BRINP3: variants seen among roughly 807,000 people sequenced by gnomAD.
BRINP3 encodes the protein BMP/retinoic acid-inducible neural-specific protein 3.
Under a neutral mutation model 71.0 loss-of-function variants are expected in BRINP3, and 19 were observed. The observed-to-expected ratio is 0.27, with a 90% confidence interval of 0.19 to 0.39. The LOEUF (loss-of-function observed/expected upper bound fraction) is 0.39, where lower values mean the gene tolerates loss of function less well. Among genes scored for constraint, BRINP3 ranks in the 10% least tolerant of loss-of-function variants. The probability of loss-of-function intolerance (pLI) is 1.00; values close to 1 mark genes in which losing one functional copy is unlikely to be tolerated. For missense variants in BRINP3, 959 were observed against 940.8 expected (o/e 1.02, Z -0.25); for synonymous variants, 380 against 337.7 (o/e 1.13, Z -1.37).
At chr1:190,455,694 G>T (rs1008322613) in intron 1 of BRINP3, among the ~76,000 whole-genome samples, 2 of 152,002 alleles carry the variant, frequency 1.3e-5, no homozygotes, top group African/African-American at 4.8e-5. Flanking sequence ...GGTCTTTAAA[G>T]ATTTAAATGT....
At chr1:190,192,937 T>C (rs561413886) in intron 6 of BRINP3, among the ~76,000 whole-genome samples, 31 of 152,222 alleles carry the variant, frequency 2.0e-4, no homozygotes, top group East Asian at 3.9e-4. Flanking sequence ...AACTTTTATA[T>C]TTTTATTTTC....
chr1:190,224,071 C>G (rs1035435989), intron 6 of BRINP3, among the ~76,000 whole-genome samples: 2 of 151,466 alleles, frequency 1.3e-5, no homozygotes, highest in African/African-American at 4.8e-5. Context: ...ACTACTAAAG[C>G]AATTTACGGA....
intron 4 of BRINP3, among the ~76,000 whole-genome samples, chr1:190,258,316 T>C (rs1347636505): frequency 2.6e-5 from 4 of 152,192 alleles, no homozygotes; most frequent in African/African-American, 7.2e-5. Context: ...TAATCTGGTG[T>C]GTCATTTGCT....
At chr1:190,365,657 A>G (rs1182577666) in intron 2 of BRINP3, among the ~76,000 whole-genome samples, 1 of 127,986 alleles carries the variant, frequency 7.8e-6, no homozygotes. Context: ...TATAGTAAAA[A>G]TATATTATAA....
At chr1:190,371,803 CA>C (rs1424356279) in intron 2 of BRINP3, among the ~76,000 whole-genome samples, 4 of 152,050 alleles carry the variant, frequency 2.6e-5, no homozygotes, top group Non-Finnish European at 5.9e-5. Flanking sequence ...TATTTTAATC[CA>C]GGGGCATCTG....
chr1:190,339,053 A>AAAT (rs1210882250), intron 2 of BRINP3, among the ~76,000 whole-genome samples: 8 of 144,666 alleles, frequency 5.5e-5, no homozygotes, highest in African/African-American at 2.1e-4. Flanking sequence ...AATAAATAAA[A>AAAT]CAATCTTTTT....
chr1:190,364,112 A>T (rs1197259951), intron 2 of BRINP3, among the ~76,000 whole-genome samples: 1 of 152,132 alleles, frequency 6.6e-6, no homozygotes, highest in Admixed American at 6.6e-5. Context: ...TTTCAAAAGA[A>T]ATTTTTAAAC....
At chr1:190,219,200 T>G (rs34632967) in intron 6 of BRINP3, among the ~76,000 whole-genome samples, 31,748 of 151,810 alleles carry the variant, frequency 0.21, 3,689 homozygotes, top group Middle Eastern at 0.31. Flanking sequence ...TTCACAGACA[T>G]TTACCCATAA....
chr1:190,141,555 C>CTTTTTTTTTTTTTTTTT (rs35090212), intron 7 of BRINP3, among the ~76,000 whole-genome samples: 8 of 82,376 alleles, frequency 9.7e-5, no homozygotes, highest in Non-Finnish European at 1.3e-4. Flanking sequence ...TCTTTCTTTC[C>CTTTTTTTTTTTTTTTTT]TTTTTTTTTT....
At chr1:190,426,036 A>C (rs987831867) in intron 2 of BRINP3, among the ~76,000 whole-genome samples, 7 of 151,868 alleles carry the variant, frequency 4.6e-5, no homozygotes. Flanking sequence ...TTTTGATATG[A>C]ATAACATGCT....
intron 6 of BRINP3, among the ~76,000 whole-genome samples, chr1:190,213,561 G>A (rs1476641766): frequency 6.6e-6 from 1 of 152,024 alleles, no homozygotes; most frequent in Non-Finnish European, 1.5e-5. Flanking sequence ...TACGAACTGA[G>A]TTACAATGGC....
At position 190,386,200 on chromosome 1, in the gene BRINP3, T is replaced by G. The variant is rs1670888933; in HGVS notation, c.236+68455A>C. Among the ~76,000 whole-genome samples the G allele has an allele frequency of 4.0e-5, 6 of 148,684 alleles. No homozygotes were observed. In the South Asian group the frequency reaches 1.3e-3, roughly 31 times the overall value. On this transcript the variant is annotated intron_variant, in intron 2 of 7. Transcript: ENST00000367462. ...ACATATGTAACTAACCTGCACAATG[T>G]GCACATGTACCCTAAAACTTAAAGT...
At position 190,236,369 on chromosome 1, in the gene BRINP3, A is replaced by G. The variant is rs553409476; in HGVS notation, c.619-1892T>C. ...TTAGTAGGAGTGGCAACACAGGTTT[A>G]TGTCTTAGAAGTTATGTCAATGACA... is the stretch of plus-strand genomic sequence containing the variant. On this transcript the variant is annotated intron_variant, in intron 4 of 7. Coordinates refer to ENST00000367462, the MANE Select transcript of BRINP3 (RefSeq NM_199051.3). Among the ~76,000 whole-genome samples, 3 of 152,090 alleles carry G rather than the reference A, an allele frequency of 2.0e-5. No individual in the cohort carries two copies. The South Asian group carries it at 6.2e-4, about 32-fold the overall frequency.
intron 6 of BRINP3, among the ~76,000 whole-genome samples, chr1:190,162,036 C>A (rs1651033725): frequency 6.6e-6 from 1 of 151,954 alleles, no homozygotes; most frequent in Non-Finnish European, 1.5e-5. Flanking sequence ...ATCTTTACGG[C>A]ATTGAAGGAA....
chr1:190,260,318 A>T (rs1661073584), intron 4 of BRINP3, among the ~76,000 whole-genome samples: 2 of 152,098 alleles, frequency 1.3e-5, no homozygotes, highest in Admixed American at 6.6e-5. Context: ...AAAGAAAAAA[A>T]GTATGTAAGA....
intron 2 of BRINP3, among the ~76,000 whole-genome samples, chr1:190,414,419 A>G (rs1453294265): frequency 6.6e-6 from 1 of 151,872 alleles, no homozygotes; most frequent in Admixed American, 6.6e-5. Flanking sequence ...TCCATATGTT[A>G]TAGGTTTATT....
At chr1:190,167,252 AG>A (rs1432440140) in intron 6 of BRINP3, among the ~76,000 whole-genome samples, 6 of 152,272 alleles carry the variant, frequency 3.9e-5, no homozygotes, top group Admixed American at 2.0e-4. Flanking sequence ...GTTTGGTAAA[AG>A]CTTCCAAAGA....
At chr1:190,251,834 T>G (rs1296607197) in intron 4 of BRINP3, among the ~76,000 whole-genome samples, 1 of 150,562 alleles carries the variant, frequency 6.6e-6, no homozygotes, top group Non-Finnish European at 1.5e-5. Context: ...AGATGGCTCA[T>G]AAACCATGCT....
intron 7 of BRINP3, among the ~76,000 whole-genome samples, chr1:190,114,049 T>C (rs1214626980): frequency 6.6e-6 from 1 of 152,172 alleles, no homozygotes; most frequent in Non-Finnish European, 1.5e-5. Flanking sequence ...GTTGAAATGT[T>C]ATCCTCAGTG....
Sources: gnomAD v4.1 joint callset for allele counts (sites outside exome capture counted in the v4.1 genomes callset) on GRCh38, gnomAD v4.1.1 for gene constraint, MANE v1.5 for transcripts, NCBI Gene and HGNC (gene_info 2026-07-23, HGNC 2026-07-21) for gene names.